Variants in NFIC observed in about 807,000 individuals in gnomAD.
The protein encoded by NFIC is nuclear factor I C.
Under a neutral mutation model 54.4 loss-of-function variants are expected in NFIC, and 12 were observed. The ratio of observed to expected loss-of-function variants is 0.22; its 90% CI spans 0.14 to 0.36. The LOEUF (loss-of-function observed/expected upper bound fraction) is 0.36, where lower values mean the gene tolerates loss of function less well. NFIC is among the 10% of genes least tolerant of loss of function. The probability of loss-of-function intolerance (pLI) is 1.00; values close to 1 mark genes in which losing one functional copy is unlikely to be tolerated. For missense variants in NFIC, 575 were observed against 718.2 expected, an observed-to-expected ratio of 0.80 and a Z score of 2.28; for synonymous variants, 322 against 319.2, an observed-to-expected ratio of 1.01 and a Z score of -0.09.
At chr19:3,455,650 T>C (rs537069068) in intron 9 of NFIC, among the ~76,000 whole-genome samples, 16 of 151,126 alleles carry the variant, frequency 1.1e-4, no homozygotes, top group South Asian at 8.3e-4. Flanking sequence ...GAGCCTGGTT[T>C]ACAGTAGACA....
intron 2 of NFIC, among the ~76,000 whole-genome samples, chr19:3,405,406 G>T (rs903928147): frequency 6.6e-6 from 1 of 152,130 alleles, no homozygotes; most frequent in Non-Finnish European, 1.5e-5. Context: ...GGCTGGGCAG[G>T]GGTTTTAGGT....
intron 10 of NFIC, among the ~76,000 whole-genome samples, chr19:3,461,461 G>C (rs2082637630): frequency 6.6e-6 from 1 of 151,032 alleles, no homozygotes; most frequent in South Asian, 2.1e-4. Flanking sequence ...AGTGGCTCAC[G>C]CCTGTAATCC....
chr19:3,382,173 G>C lies in NFIC; in HGVS notation c.492G>C (p.Val164=). Residue 164 remains valine (V), a synonymous_variant, in exon 2 of 11, where the codon GTG becomes GTC. Transcript: ENST00000443272. ...AAQCGHPVLC[V]QPHHIGVAVK... ...AGTGCGGTCACCCGGTCCTGTGCGT[G>C]CAGCCGCACCACATTGGCGTGGCCG... 1 of 1,612,286 alleles carries C rather than the reference G, an allele frequency of 6.2e-7. No individual in the cohort carries two copies. Among genetic ancestry groups the C allele is most frequent in the Non-Finnish European group, 8.5e-7 (1 of 1,179,934 alleles).
chr19:3,382,568 G>A (rs2081230151), intron 2 of NFIC, among the ~76,000 whole-genome samples: 1 of 152,042 alleles, frequency 6.6e-6, no homozygotes, highest in Non-Finnish European at 1.5e-5. Context: ...GGTCCAGGCA[G>A]GGCAGCAGGC....
rs1406479879 is a variant in NFIC, at chr19:3,369,707, C to T, written c.30+3041C>T. Among the ~76,000 whole-genome samples the T allele has an allele frequency of 3.3e-5, 5 of 151,508 alleles. No individual in the cohort carries two copies. The highest frequency in any genetic ancestry group is 6.6e-5 in the Admixed American group (1 of 15,244). ...CCATGGCTCCCATAAATCCTGCCGG[C>T]GGGAAGGCCGGCCTCCCCGCGCCTG... On this transcript the variant is annotated intron_variant, in intron 1 of 10. Transcript: ENST00000443272. This position sits in a 1 kb window ranked among gnomAD's most constrained non-coding sequence, Gnocchi z 4.3.
chr19:3,435,143 TTAC>T lies in NFIC; in HGVS notation c.898_900del (p.Tyr300del). ...ACGTGGACACGAGCCCTGGCGGCGATTACTACACTTCGCCCAGCTCGCCCACGA... is the reference window on the plus strand; with the variant it reads ...ACGTGGACACGAGCCCTGGCGGCGATTACACTTCGCCCAGCTCGCCCACGA... On this transcript the variant is annotated inframe_deletion, in exon 6 of 11. Transcript: ENST00000443272. The T allele has an allele frequency of 6.2e-7, 1 of 1,606,150 alleles. No individual in the cohort carries two copies. Among genetic ancestry groups the T allele is most frequent in the East Asian group, 2.2e-5 (1 of 44,536 alleles).
intron 6 of NFIC, among the ~76,000 whole-genome samples, chr19:3,439,049 A>G (rs1360410642): frequency 6.6e-6 from 1 of 151,768 alleles, no homozygotes; most frequent in Non-Finnish European, 1.5e-5. Context: ...GCTGTGTGAC[A>G]TTTGGCAGGT....
At chr19:3,390,843 A>C (rs2081365695) in intron 2 of NFIC, among the ~76,000 whole-genome samples, 2 of 122,328 alleles carry the variant, frequency 1.6e-5, no homozygotes, top group Non-Finnish European at 1.7e-5. Context: ...AGAAAGTAGG[A>C]TGGGGGGTGC....
chr19:3,411,610 A>C (rs369620395), intron 2 of NFIC, among the ~76,000 whole-genome samples: 1 of 151,444 alleles, frequency 6.6e-6, no homozygotes, highest in African/African-American at 2.4e-5. Flanking sequence ...GTGAGCCACC[A>C]CTCCCGGCCC....
At chr19:3,373,808 C>G (rs952110284) in intron 1 of NFIC, among the ~76,000 whole-genome samples, 1 of 152,182 alleles carries the variant, frequency 6.6e-6, no homozygotes, top group Non-Finnish European at 1.5e-5. Context: ...GTCCTCGGCA[C>G]CCTACCTGGG....
At position 3,452,573 on chromosome 19, in the gene NFIC, G is replaced by A. The variant is rs200793537; in HGVS notation, c.1176G>A (p.Thr392=). The change falls in exon 8 of 11, where the codon ACG becomes ACA. Residue 392 remains threonine, a synonymous_variant. Transcript: ENST00000443272. The surrounding 1 kb of genome is among the most constrained non-coding windows in gnomAD (Gnocchi z 5.3). The part of the protein sequence containing the change: ...PQTASTYFPH[T]AIRYPPHLNP... Reference sequence around the variant, plus strand: ...CGGCCTCCACCTACTTCCCCCACACGGCCATCCGCTACCCACCTCATCTCA... The same window carrying A: ...CGGCCTCCACCTACTTCCCCCACACAGCCATCCGCTACCCACCTCATCTCA... The A allele has an allele frequency of 2.4e-4, 388 of 1,613,622 alleles. No homozygotes were observed. Among genetic ancestry groups the A allele is most frequent in the Non-Finnish European group, 3.0e-4 (353 of 1,179,942 alleles).
At chr19:3,421,476 G>T (rs1469872109) in intron 2 of NFIC, among the ~76,000 whole-genome samples, 1 of 152,262 alleles carries the variant, frequency 6.6e-6, no homozygotes, top group Non-Finnish European at 1.5e-5. Flanking sequence ...GGGATCGGCT[G>T]CAGGGCTTGG....
At chr19:3,383,995 C>T (rs962062787) in intron 2 of NFIC, among the ~76,000 whole-genome samples, 6 of 151,406 alleles carry the variant, frequency 4.0e-5, no homozygotes, top group Admixed American at 6.6e-5. Flanking sequence ...GACAGGGTCA[C>T]GGGCTCCCAG....
chr19:3,429,006 C>T (rs915409973), intron 3 of NFIC, among the ~76,000 whole-genome samples: 6 of 151,822 alleles, frequency 4.0e-5, no homozygotes, highest in South Asian at 2.1e-4. Context: ...AACAGGGGGC[C>T]GGGTGCGGTG....
At chr19:3,384,962 A>G (rs1188245921) in intron 2 of NFIC, among the ~76,000 whole-genome samples, 1 of 146,676 alleles carries the variant, frequency 6.8e-6, no homozygotes, top group African/African-American at 2.5e-5. Flanking sequence ...GAGCTGATAC[A>G]ATTTTGAAGC....
At chr19:3,399,923 AC>A (rs1471200988) in intron 2 of NFIC, among the ~76,000 whole-genome samples, 1 of 151,186 alleles carries the variant, frequency 6.6e-6, no homozygotes, top group Non-Finnish European at 1.5e-5. Context: ...AGTGACTCAC[AC>A]CTCTAATCCC....
chr19:3,460,162 G>GC (rs2082618992), intron 10 of NFIC, among the ~76,000 whole-genome samples: 1 of 152,350 alleles, frequency 6.6e-6, no homozygotes, highest in South Asian at 2.1e-4. Flanking sequence ...GTCATCCTCA[G>GC]CCCCCCTGTG....
chr19:3,364,719 T>C (rs895196798), upstream of NFIC, among the ~76,000 whole-genome samples: 5 of 152,144 alleles, frequency 3.3e-5, no homozygotes, highest in African/African-American at 1.2e-4. Context: ...GATTCTAAGC[T>C]GCTGAATGAA....
chr19:3,398,174 G>A (rs961412415), intron 2 of NFIC, among the ~76,000 whole-genome samples: 5 of 152,150 alleles, frequency 3.3e-5, no homozygotes, highest in Admixed American at 1.3e-4. Flanking sequence ...ACCTTGCTCC[G>A]TGCCTCAGTT....
Sources: allele counts gnomAD v4.1 joint callset (sites outside exome capture counted in the v4.1 genomes callset), GRCh38; gene constraint gnomAD v4.1.1; non-coding constraint Gnocchi (gnomAD v3.1); transcripts MANE v1.5; gene names NCBI Gene and HGNC (gene_info 2026-07-23, HGNC 2026-07-21).